Variants in NLGN1 observed in about 807,000 individuals in gnomAD.
NLGN1 encodes neuroligin 1.
In NLGN1, 12 loss-of-function variants were observed where a neutral mutation model predicts 65.5. The observed-to-expected ratio is 0.18, with a 90% confidence interval of 0.12 to 0.30. The LOEUF (loss-of-function observed/expected upper bound fraction) is 0.30. Ranked by LOEUF, NLGN1 falls within the 10% of genes least tolerant of loss-of-function variation. NLGN1 has a pLI of 1.00. For synonymous variants in NLGN1, 350 were observed against 359.5 expected (o/e 0.97, Z 0.30); for missense variants, 750 against 1,007.1 (o/e 0.74, Z 3.46).
At chr3:174,154,987 A>C (rs1430920571) in intron 4 of NLGN1, among the ~76,000 whole-genome samples, 7 of 61,886 alleles carry the variant, frequency 1.1e-4, no homozygotes, top group Non-Finnish European at 1.6e-4. Flanking sequence ...ATATTATATT[A>C]TATATTATAT....
downstream of NLGN1, among the ~76,000 whole-genome samples, chr3:174,290,716 G>A (rs1752671162): frequency 6.6e-6 from 1 of 150,976 alleles, no homozygotes; most frequent in African/African-American, 2.4e-5. Context: ...TTTAAATAAG[G>A]AAAGGACAAA....
At chr3:173,870,119 A>T (rs56357595) in intron 4 of NLGN1, among the ~76,000 whole-genome samples, 14,752 of 152,194 alleles carry the variant, frequency 0.097, 963 homozygotes, top group South Asian at 0.15. Context: ...GTTTTAATAG[A>T]CATCCTTACT....
At chr3:173,841,151 A>ATG (rs1486585148) in intron 4 of NLGN1, among the ~76,000 whole-genome samples, 1 of 151,702 alleles carries the variant, frequency 6.6e-6, no homozygotes, top group Non-Finnish European at 1.5e-5. Context: ...CTATAGTTAT[A>ATG]TATATATATA....
chr3:173,775,692 C>G lies in NLGN1; in HGVS notation c.494-31988C>G, dbSNP rs112721568. Among the ~76,000 whole-genome samples the G allele has an allele frequency of 9.2e-3, 1,394 of 152,074 alleles. 19 individuals carry two copies. Among genetic ancestry groups the G allele is most frequent in the African/African-American group, 0.032 (1,319 of 41,482 alleles). On this transcript the variant is annotated intron_variant, in intron 3 of 6. Transcript: ENST00000457714. ...AATGTTAACTTTTTGAAAGCATGTG[C>G]TTTTAGGTTAATTAAATGGAAGAAT...
chr3:173,751,824 C>T lies in NLGN1; in HGVS notation c.494-55856C>T, dbSNP rs147528235. ...TGTACCTATATTATCTTATGCTATTCCCACAATCATCCCTCAAGTTAAGTT... is the reference window on the plus strand; with the variant it reads ...TGTACCTATATTATCTTATGCTATTTCCACAATCATCCCTCAAGTTAAGTT... On this transcript the variant is annotated intron_variant, in intron 3 of 6. Transcript: ENST00000457714. 4.5e-4 allele frequency among the ~76,000 whole-genome samples: 68 copies of T among 152,160 alleles called. 1 individual carries two copies. Among genetic ancestry groups the T allele is most frequent in the African/African-American group, 1.5e-3 (61 of 41,528 alleles).
At chr3:173,689,026 T>G (rs1502463) in intron 3 of NLGN1, among the ~76,000 whole-genome samples, 26,560 of 152,116 alleles carry the variant, frequency 0.17, 2,630 homozygotes, top group Middle Eastern at 0.29. Flanking sequence ...GCTAATGTCA[T>G]TTATGTCCTA....
intron 3 of NLGN1, among the ~76,000 whole-genome samples, chr3:173,653,008 A>G (rs925603401): frequency 3.3e-5 from 5 of 152,040 alleles, no homozygotes; most frequent in Non-Finnish European, 7.4e-5. Context: ...GCTATTATAA[A>G]TGGGATTACC....
chr3:173,754,723 C>T (rs1386938753), intron 3 of NLGN1, among the ~76,000 whole-genome samples: 3 of 152,062 alleles, frequency 2.0e-5, no homozygotes, highest in Admixed American at 6.6e-5. Context: ...ATACATTGTC[C>T]AAGTTTTAAC....
intron 4 of NLGN1, among the ~76,000 whole-genome samples, chr3:174,107,811 T>C (rs1714277160): frequency 6.6e-6 from 1 of 152,180 alleles, no homozygotes; most frequent in Non-Finnish European, 1.5e-5. Flanking sequence ...CTGTTTTAAC[T>C]CTTTTATTTT....
At chr3:174,028,000 T>C (rs1560874909) in intron 4 of NLGN1, among the ~76,000 whole-genome samples, 1 of 152,166 alleles carries the variant, frequency 6.6e-6, no homozygotes, top group Admixed American at 6.5e-5. Context: ...TGGTTTCATA[T>C]TTAGGAGTTC....
At chr3:174,184,479 A>G (rs1044690242) in intron 4 of NLGN1, among the ~76,000 whole-genome samples, 2 of 152,188 alleles carry the variant, frequency 1.3e-5, no homozygotes, top group African/African-American at 4.8e-5. Context: ...ATACTTTTCT[A>G]TATCATCTTT....
intron 3 of NLGN1, among the ~76,000 whole-genome samples, chr3:173,617,314 C>G (rs1351080402): frequency 6.6e-6 from 1 of 152,142 alleles, no homozygotes; most frequent in African/African-American, 2.4e-5. Flanking sequence ...TTTACTCTCT[C>G]ACTGCCCCAG....
At chr3:173,901,260 A>G (rs952962539) in intron 4 of NLGN1, among the ~76,000 whole-genome samples, 1 of 151,916 alleles carries the variant, frequency 6.6e-6, no homozygotes, top group African/African-American at 2.4e-5. Context: ...CTGTAACTGC[A>G]GGAAGGAGAT....
intron 4 of NLGN1, among the ~76,000 whole-genome samples, chr3:174,032,519 G>T (rs965639179): frequency 6.6e-6 from 1 of 152,224 alleles, no homozygotes; most frequent in African/African-American, 2.4e-5. Context: ...TAGAAATGCA[G>T]TATCTCAGGA....
At chr3:173,869,350 A>G (rs1730752233) in intron 4 of NLGN1, among the ~76,000 whole-genome samples, 1 of 152,200 alleles carries the variant, frequency 6.6e-6, no homozygotes, top group African/African-American at 2.4e-5. Context: ...ATTAGTAAAG[A>G]GATCCATCAA....
intron 4 of NLGN1, among the ~76,000 whole-genome samples, chr3:173,865,729 G>A (rs993114237): frequency 6.6e-6 from 1 of 152,090 alleles, no homozygotes; most frequent in African/African-American, 2.4e-5. Context: ...TCTTGGAAAG[G>A]TGACCTTAAA....
intron 3 of NLGN1, among the ~76,000 whole-genome samples, chr3:173,791,792 C>G (rs1578452070): frequency 6.6e-6 from 1 of 152,172 alleles, no homozygotes; most frequent in South Asian, 2.1e-4. Context: ...AAACTGAGAT[C>G]TAGACCTAGT....
intron 4 of NLGN1, among the ~76,000 whole-genome samples, chr3:173,825,885 A>T (rs1413103512): frequency 1.3e-5 from 2 of 152,010 alleles, no homozygotes; most frequent in Non-Finnish European, 2.9e-5. Context: ...GTCTTGTGGT[A>T]GAGCAAAGTA....
chr3:173,788,875 GA>G (rs1711942944), intron 3 of NLGN1, among the ~76,000 whole-genome samples: 1 of 127,192 alleles, frequency 7.9e-6, no homozygotes. Context: ...CCTGATTCCA[GA>G]ACCTGTGTTC....
Sources: allele counts gnomAD v4.1 joint callset (sites outside exome capture counted in the v4.1 genomes callset), GRCh38; gene constraint gnomAD v4.1.1; transcripts MANE v1.5; gene names NCBI Gene and HGNC (gene_info 2026-07-23, HGNC 2026-07-21).